ZFP64: variants seen among roughly 807,000 people sequenced by gnomAD.
The protein encoded by ZFP64 is zinc finger protein 64.
Under a neutral mutation model 51.6 loss-of-function variants are expected in ZFP64, and 14 were observed. The observed-to-expected ratio is 0.27, with a 90% CI of 0.18 to 0.42. ZFP64 has a LOEUF of 0.42. ZFP64 is among the 10% of genes least tolerant of loss of function. The pLI is 1.00. For missense variants in ZFP64, 754 were observed against 906.8 expected (o/e 0.83, Z 2.16); for synonymous variants, 375 against 361.4 (o/e 1.04, Z -0.43).
Position 52,191,458 on chromosome 20 carries a change from A to G in ZFP64, c.46+133T>C. On this transcript the variant is annotated intron_variant, in intron 1 of 5. Coordinates refer to ENST00000216923, the MANE Select transcript of ZFP64 (RefSeq NM_018197.3). The surrounding 1 kb of genome is among the most constrained non-coding windows in gnomAD (Gnocchi z 4.3). ...CACAGCGCGCCCGCCGCGGTCCCCG[A>G]GACGCGGCTCCGAGCCGTCACCCCG... is the stretch of plus-strand genomic sequence containing the variant. 8.6e-7 allele frequency: 1 copy of G among 1,163,214 alleles called. No homozygotes were observed. Among genetic ancestry groups the G allele is most frequent in the Non-Finnish European group, 1.1e-6 (1 of 895,386 alleles). The allele number at this position is 1,163,214 out of a possible 1,614,324, so 72.1% of individuals were successfully genotyped here. A position where few individuals can be genotyped will look rare whatever the true frequency, so the allele number is the denominator to read the frequency against.
Position 52,151,341 on chromosome 20 carries a change from A to AT in ZFP64, c.*804dup, listed in dbSNP as rs201398029. On this transcript the variant is annotated 3_prime_UTR_variant, in exon 6 of 6. Transcript: ENST00000216923. ...CATTTTCTGCTCATTAGCACTAAACATTTTTTTTTGGGTCAAGTATCCATG... is the reference window on the plus strand; with the variant it reads ...CATTTTCTGCTCATTAGCACTAAACATTTTTTTTTTGGGTCAAGTATCCATG... The AT allele has an allele frequency of 4.9e-5, 48 of 975,526 alleles. No homozygotes were observed. The highest frequency in any genetic ancestry group is 2.4e-4 in the South Asian group (5 of 21,058). 60.4% of individuals were successfully genotyped at this position (975,526 alleles called of 1,614,324 possible). A position where few individuals can be genotyped will look rare whatever the true frequency, so the allele number is the denominator to read the frequency against.
At chr20:52,126,187 C>T (rs555672317) in intron 5 of ZFP64, among the ~76,000 whole-genome samples, 14 of 152,166 alleles carry the variant, frequency 9.2e-5, no homozygotes, top group African/African-American at 2.4e-4. Flanking sequence ...CATGAACCAG[C>T]GTGCCCGGCC....
chr20:52,178,821 C>A (rs1983420375), intron 2 of ZFP64, among the ~76,000 whole-genome samples: 1 of 152,158 alleles, frequency 6.6e-6, no homozygotes, highest in Non-Finnish European at 1.5e-5. Flanking sequence ...AACCAACAGT[C>A]TCTGTGAATT....
intron 5 of ZFP64, among the ~76,000 whole-genome samples, chr20:52,133,863 T>C (rs1021166613): frequency 1.7e-4 from 26 of 151,742 alleles, no homozygotes; most frequent in African/African-American, 6.3e-4. Context: ...ACCCTGTCTC[T>C]ACAAAAAATA....
At chr20:52,114,310 A>G (rs977784868) in intron 5 of ZFP64, among the ~76,000 whole-genome samples, 2 of 152,254 alleles carry the variant, frequency 1.3e-5, no homozygotes, top group Admixed American at 1.3e-4. Flanking sequence ...CACTGTGCAG[A>G]GAAGTCACCT....
intron 7 of ZFP64, among the ~76,000 whole-genome samples, chr20:52,089,760 T>A (rs77092002): frequency 4.2e-4 from 56 of 132,354 alleles, no homozygotes; most frequent in South Asian, 2.4e-4. Flanking sequence ...AAAAAAAAAA[T>A]GAACCTTACT....
At chr20:52,146,720 A>G (rs917735182), downstream of ZFP64, among the ~76,000 whole-genome samples, 18 of 152,144 alleles carry the variant, frequency 1.2e-4, no homozygotes. Context: ...CCTAAAACTT[A>G]AAGTATAATA....
chr20:52,124,709 G>A (rs765913807), intron 5 of ZFP64, among the ~76,000 whole-genome samples: 23 of 151,636 alleles, frequency 1.5e-4, no homozygotes, highest in South Asian at 4.2e-4. Flanking sequence ...TCCCAGGCTC[G>A]GTTGCTCCTG....
At chr20:52,122,549 G>T (rs1027156369) in intron 5 of ZFP64, among the ~76,000 whole-genome samples, 9 of 151,534 alleles carry the variant, frequency 5.9e-5, no homozygotes, top group Non-Finnish European at 1.3e-4. Flanking sequence ...GACTGTAGCT[G>T]CCATAGACAG....
chr20:52,186,164 C>A (rs1006746577), intron 2 of ZFP64, among the ~76,000 whole-genome samples: 19 of 152,310 alleles, frequency 1.2e-4, no homozygotes, highest in African/African-American at 4.6e-4. Flanking sequence ...CCTACAGGAT[C>A]CAGTACTATC....
chr20:52,110,378 A>G, intron 5 of ZFP64: 1 of 531,042 alleles, frequency 1.9e-6, no homozygotes, highest in Middle Eastern at 3.3e-4. Flanking sequence ...CTTCTTCTGG[A>G]AGGCAGTTAG....
chr20:52,152,311 T>C lies in ZFP64; in HGVS notation c.1881A>G (p.Glu627=). 2 of 1,614,216 alleles carry C rather than the reference T, an allele frequency of 1.2e-6. No individual in the cohort carries two copies. Among genetic ancestry groups the C allele is most frequent in the Middle Eastern group, 1.6e-4 (1 of 6,062 alleles). ...GGCCTCCATCGCTCACCACTGTCAC[T>C]TCTGCTGTCCCCTCCTGAATCAAGG... ...LNALIQEGTA[E]VTVVSDGGQN... Residue 627 remains glutamate (E), a synonymous_variant, in exon 6 of 6, where the codon GAA becomes GAG. Coordinates refer to ENST00000216923, the MANE Select transcript of ZFP64 (RefSeq NM_018197.3).
chr20:52,090,332 G>C (rs546849921), intron 7 of ZFP64, among the ~76,000 whole-genome samples: 1 of 152,194 alleles, frequency 6.6e-6, no homozygotes, highest in Admixed American at 6.5e-5. Flanking sequence ...TCTTATACTT[G>C]AATTAGCATT....
At chr20:52,103,648 T>A (rs542882698) in intron 5 of ZFP64, among the ~76,000 whole-genome samples, 2 of 152,214 alleles carry the variant, frequency 1.3e-5, no homozygotes, top group South Asian at 4.1e-4. Flanking sequence ...AGCAATTCTC[T>A]TCTATAAACA....
intron 5 of ZFP64, among the ~76,000 whole-genome samples, chr20:52,113,705 C>G (rs1978724681): frequency 6.6e-6 from 1 of 151,270 alleles, no homozygotes; most frequent in Admixed American, 6.6e-5. Flanking sequence ...TCCCAAAGTG[C>G]TGGGATTATA....
intron 5 of ZFP64, among the ~76,000 whole-genome samples, chr20:52,103,673 C>G (rs927750589): frequency 6.6e-6 from 1 of 152,210 alleles, no homozygotes. Context: ...CCCCAAAAGA[C>G]TCAGCATCCC....
chr20:52,105,274 T>C, intron 5 of ZFP64: 2 of 1,301,798 alleles, frequency 1.5e-6, no homozygotes, highest in Non-Finnish European at 1.9e-6. Flanking sequence ...TCCCTAGGAG[T>C]GGCCTACTTC....
intron 5 of ZFP64, among the ~76,000 whole-genome samples, chr20:52,098,773 G>A (rs2079019549): frequency 6.6e-6 from 1 of 152,078 alleles, no homozygotes; most frequent in Non-Finnish European, 1.5e-5. Context: ...GGAGGCTGAG[G>A]TTGGTGGAGC....
At chr20:52,176,505 C>CTCTCTTTTTTTTTTTTT (rs1555810297) in intron 2 of ZFP64, among the ~76,000 whole-genome samples, 1 of 136,724 alleles carries the variant, frequency 7.3e-6, no homozygotes, top group African/African-American at 2.8e-5. Context: ...TTCAATCTCT[C>CTCTCTTTTTTTTTTTTT]TTTTTTTTTT....
Sources: gnomAD v4.1 joint callset for allele counts (sites outside exome capture counted in the v4.1 genomes callset) on GRCh38, gnomAD v4.1.1 for gene constraint, Gnocchi (gnomAD v3.1) non-coding constraint, MANE v1.5 for transcripts, NCBI Gene and HGNC (gene_info 2026-07-23, HGNC 2026-07-21) for gene names.